DGKI: variants seen among roughly 807,000 people sequenced by gnomAD.
DGKI encodes the protein diacylglycerol kinase iota.
DGKI carries 55 observed loss-of-function variants against 147.5 expected under a neutral mutation model. That is an observed-to-expected ratio of 0.37 (90% CI 0.30 to 0.47). The LOEUF (loss-of-function observed/expected upper bound fraction) is 0.47, where lower values mean the gene tolerates loss of function less well. DGKI is among the 20% of genes least tolerant of loss of function. The pLI is 1.00. For missense variants in DGKI, 1,007 were observed against 1,323.8 expected (o/e 0.76, Z 3.71); for synonymous variants, 469 against 477.1 (o/e 0.98, Z 0.22).
At chr7:137,592,558 C>G (rs1819654029) in intron 12 of DGKI, among the ~76,000 whole-genome samples, 2 of 152,180 alleles carry the variant, frequency 1.3e-5, no homozygotes, top group Admixed American at 1.3e-4. Context: ...TAAGGGGTGG[C>G]TGAAGGGTGG....
chr7:137,422,595 C>CTTTTTTTTTTTT (rs60494368), intron 28 of DGKI, among the ~76,000 whole-genome samples: 1,063 of 62,034 alleles, frequency 0.017, 83 homozygotes, highest in Non-Finnish European at 0.023. Flanking sequence ...TTTTTCTTTT[C>CTTTTTTTTTTTT]TTTTTTTTTT....
intron 2 of DGKI, among the ~76,000 whole-genome samples, chr7:137,685,126 C>A (rs895648515): frequency 6.6e-6 from 1 of 152,156 alleles, no homozygotes. Flanking sequence ...CTATCTGCCT[C>A]AGAGAAAGTG....
intron 1 of DGKI, among the ~76,000 whole-genome samples, chr7:137,818,164 C>A (rs955566195): frequency 3.3e-5 from 5 of 152,164 alleles, no homozygotes; most frequent in Non-Finnish European, 7.3e-5. Context: ...ACACCCAACC[C>A]GAAAGCAAAC....
Position 137,721,789 on chromosome 7 carries a change from C to T in DGKI, c.402-31787G>A, listed in dbSNP as rs115561573. Among the ~76,000 whole-genome samples, 1,338 of 152,274 alleles carry T rather than the reference C, an allele frequency of 8.8e-3. 17 individuals carry two copies. The highest frequency in any genetic ancestry group is 0.03 in the African/African-American group (1,257 of 41,546). ...TTCAGCTCTTACCCTCTTATATGCC[C>T]AGTCTGTGCCCTGGTTACACTAAAC... On this transcript the variant is annotated intron_variant, in intron 1 of 32. Coordinates refer to ENST00000614521, the MANE Select transcript of DGKI (RefSeq NM_001321708.2).
intron 1 of DGKI, among the ~76,000 whole-genome samples, chr7:137,831,213 T>G (rs1479585720): frequency 6.6e-6 from 1 of 152,248 alleles, no homozygotes; most frequent in East Asian, 1.9e-4. Context: ...TTTTATCAGT[T>G]AGACTTTTTT....
At chr7:137,399,917 A>C (rs977249416) in intron 30 of DGKI, among the ~76,000 whole-genome samples, 1 of 152,036 alleles carries the variant, frequency 6.6e-6, no homozygotes, top group Non-Finnish European at 1.5e-5. Context: ...TTCTCAAAAA[A>C]AAAAAAAAGA....
intron 27 of DGKI, among the ~76,000 whole-genome samples, chr7:137,445,423 G>A (rs575890421): frequency 1.6e-4 from 24 of 152,214 alleles, no homozygotes; most frequent in African/African-American, 3.9e-4. Context: ...GGTGGTGAGC[G>A]GAAACCTGCC....
At chr7:137,416,668 C>T (rs1159124166) in intron 28 of DGKI, among the ~76,000 whole-genome samples, 1 of 152,034 alleles carries the variant, frequency 6.6e-6, no homozygotes, top group Non-Finnish European at 1.5e-5. Flanking sequence ...GAGTCTGCTT[C>T]CCCCCCTCTG....
chr7:137,672,208 C>T (rs778353181), intron 3 of DGKI, among the ~76,000 whole-genome samples: 11 of 152,284 alleles, frequency 7.2e-5, no homozygotes, highest in African/African-American at 2.2e-4. Context: ...TATGTAACTG[C>T]GGTATCTGCA....
At chr7:137,826,678 T>G (rs1001820065) in intron 1 of DGKI, among the ~76,000 whole-genome samples, 2 of 152,160 alleles carry the variant, frequency 1.3e-5, no homozygotes, top group Non-Finnish European at 2.9e-5. Context: ...CCACTTCATT[T>G]TTGTTTTTTA....
chr7:137,522,133 C>T (rs1031485377), intron 20 of DGKI, among the ~76,000 whole-genome samples, 167 bp from the exon 21 acceptor site: 2 of 152,016 alleles, frequency 1.3e-5, no homozygotes, highest in African/African-American at 4.8e-5. Context: ...ATCTGGAGAA[C>T]ACTTCTCCAG....
At chr7:137,585,436 T>C (rs1409922874) in intron 13 of DGKI, 90 bp from the exon 14 acceptor site, 104 of 1,467,422 alleles carry the variant, frequency 7.1e-5, no homozygotes, top group Non-Finnish European at 7.9e-5. Context: ...CAAGCCGTTA[T>C]ATTGTTTATT....
intron 1 of DGKI, among the ~76,000 whole-genome samples, chr7:137,811,304 G>A (rs1011024620): frequency 6.6e-5 from 10 of 151,012 alleles, no homozygotes; most frequent in African/African-American, 2.2e-4. Flanking sequence ...TTCTAACCAA[G>A]AACTAACAAT....
At chr7:137,537,242 G>C (rs2128959603) in intron 20 of DGKI, among the ~76,000 whole-genome samples, 1 of 152,214 alleles carries the variant, frequency 6.6e-6, no homozygotes, top group African/African-American at 2.4e-5. Flanking sequence ...ATCTTCCTTT[G>C]CTCAGAAGTT....
chr7:137,559,842 A>T (rs1034362580), intron 19 of DGKI, among the ~76,000 whole-genome samples: 9 of 152,220 alleles, frequency 5.9e-5, no homozygotes, highest in Non-Finnish European at 7.3e-5. Flanking sequence ...ATGGACAATC[A>T]TTCCTCTAAA....
chr7:137,497,924 T>C (rs187241130), intron 21 of DGKI, among the ~76,000 whole-genome samples: 17 of 152,074 alleles, frequency 1.1e-4, no homozygotes, highest in Non-Finnish European at 4.4e-5. Context: ...TTTACCTGTA[T>C]AATAAACCTG....
intron 27 of DGKI, among the ~76,000 whole-genome samples, chr7:137,457,393 C>T (rs1402079691): frequency 2.0e-5 from 3 of 152,160 alleles, no homozygotes; most frequent in East Asian, 1.9e-4. Context: ...TGTTGAGAAC[C>T]TGAAACTTTC....
intron 8 of DGKI, among the ~76,000 whole-genome samples, chr7:137,615,260 G>A (rs1239424005): frequency 6.6e-6 from 1 of 151,912 alleles, no homozygotes; most frequent in African/African-American, 2.4e-5. Flanking sequence ...CTTTTATTAA[G>A]GATTTACACA....
chr7:137,594,659 T>A (rs1182783489), intron 12 of DGKI, among the ~76,000 whole-genome samples: 4 of 152,190 alleles, frequency 2.6e-5, no homozygotes, highest in Non-Finnish European at 4.4e-5. Context: ...AATTCAGAAT[T>A]ATACTCCACT....
Sources: gnomAD v4.1 joint callset for allele counts (sites outside exome capture counted in the v4.1 genomes callset) on GRCh38, gnomAD v4.1.1 for gene constraint, MANE v1.5 for transcripts, NCBI Gene and HGNC (gene_info 2026-07-23, HGNC 2026-07-21) for gene names.